Variants in LCA5 observed in about 807,000 individuals in gnomAD.
LCA5 encodes the protein lebercilin LCA5, also known as lebercilin.
LCA5 carries 37 observed loss-of-function variants against 53.0 expected under a neutral mutation model. The ratio of observed to expected loss-of-function variants is 0.70; its 90% CI spans 0.54 to 0.92. The LOEUF (loss-of-function observed/expected upper bound fraction) is 0.92. Among genes scored for constraint, LCA5 ranks in the 40% least tolerant of loss-of-function variants. LCA5 has a pLI of 0.00. For missense variants in LCA5, 806 were observed against 790.5 expected (o/e 1.02, Z -0.23); for synonymous variants, 303 against 282.9 (o/e 1.07, Z -0.71).
chr6:79,502,866 G>T (rs929157912), intron 3 of LCA5, among the ~76,000 whole-genome samples: 1 of 151,920 alleles, frequency 6.6e-6, no homozygotes, highest in East Asian at 1.9e-4. Context: ...TGACCTATAT[G>T]ATTCTTTTTT....
At chr6:79,499,844 C>T (rs1469854318) in intron 3 of LCA5, among the ~76,000 whole-genome samples, 3 of 151,252 alleles carry the variant, frequency 2.0e-5, no homozygotes, top group Admixed American at 2.0e-4. Flanking sequence ...ATCCCTCCCC[C>T]ACTCCCCCCA....
chr6:79,534,457 G>A (rs1399126168), intron 1 of LCA5, among the ~76,000 whole-genome samples: 1 of 151,964 alleles, frequency 6.6e-6, no homozygotes, highest in African/African-American at 2.4e-5. Flanking sequence ...GAACACCTAT[G>A]AAATGTCAGG....
intron 3 of LCA5, among the ~76,000 whole-genome samples, chr6:79,502,431 T>C (rs993707574): frequency 1.3e-5 from 2 of 152,166 alleles, no homozygotes; most frequent in Non-Finnish European, 2.9e-5. Context: ...TTTAAAGAAA[T>C]CTGTTTCCTT....
chr6:79,493,520 C>G, intron 4 of LCA5, 93 bp downstream of exon 4: 2 of 1,201,934 alleles, frequency 1.7e-6, no homozygotes, highest in Non-Finnish European at 2.4e-6. Context: ...ATTGTACCAA[C>G]TTACAAATAT....
chr6:79,502,529 A>T (rs1208575499), intron 3 of LCA5, among the ~76,000 whole-genome samples: 1 of 152,232 alleles, frequency 6.6e-6, no homozygotes, highest in East Asian at 1.9e-4. Context: ...CAACAAAAAT[A>T]AAACGGATTT....
chr6:79,498,879 ACT>A (rs1770055032), intron 3 of LCA5, among the ~76,000 whole-genome samples: 3 of 151,926 alleles, frequency 2.0e-5, no homozygotes, highest in South Asian at 2.1e-4. Flanking sequence ...GAAAGGAAAA[ACT>A]CTATGTCATT....
At chr6:79,493,853 G>T in intron 3 of LCA5, 103 bp from the exon 4 acceptor site, 2 of 852,786 alleles carry the variant, frequency 2.3e-6, no homozygotes, top group Non-Finnish European at 3.6e-6. Context: ...TATTGTCCAA[G>T]ACCTACAAAT....
At chr6:79,530,921 A>G (rs1766940441) in intron 1 of LCA5, among the ~76,000 whole-genome samples, 1 of 152,210 alleles carries the variant, frequency 6.6e-6, no homozygotes, top group African/African-American at 2.4e-5. Context: ...AAAGGAAGTA[A>G]TTATTAAGTT....
At chr6:79,507,344 T>C (rs1428436436) in intron 3 of LCA5, among the ~76,000 whole-genome samples, 2 of 152,146 alleles carry the variant, frequency 1.3e-5, no homozygotes, top group African/African-American at 4.8e-5. Context: ...GACAAATTTT[T>C]TAATGTTCTC....
intron 6 of LCA5, among the ~76,000 whole-genome samples, chr6:79,489,671 C>G (rs1769783351): frequency 6.6e-6 from 1 of 152,030 alleles, no homozygotes; most frequent in South Asian, 2.1e-4. Flanking sequence ...ATATTCAAAT[C>G]AAATAAAAAT....
chr6:79,499,191 A>G (rs1770064235), intron 3 of LCA5, among the ~76,000 whole-genome samples: 1 of 152,170 alleles, frequency 6.6e-6, no homozygotes, highest in South Asian at 2.1e-4. Flanking sequence ...CCAGAAGGAT[A>G]CATACTAAGA....
intron 3 of LCA5, among the ~76,000 whole-genome samples, chr6:79,507,916 T>C (rs954364404): frequency 2.0e-5 from 3 of 152,182 alleles, no homozygotes; most frequent in Non-Finnish European, 4.4e-5. Context: ...GTAAACCTTA[T>C]GTCTCATTTG....
intron 3 of LCA5, among the ~76,000 whole-genome samples, chr6:79,504,852 T>C (rs1354475874): frequency 6.6e-6 from 1 of 152,060 alleles, no homozygotes; most frequent in East Asian, 1.9e-4. Context: ...GTATATAACA[T>C]GATAATATGT....
chr6:79,501,578 A>T (rs1390155767), intron 3 of LCA5, among the ~76,000 whole-genome samples: 5 of 151,912 alleles, frequency 3.3e-5, no homozygotes, highest in Non-Finnish European at 7.4e-5. Context: ...ATACTTCTCC[A>T]TTAAAATACA....
intron 1 of LCA5, among the ~76,000 whole-genome samples, chr6:79,534,224 AAAAAT>A (rs1279151522): frequency 8.6e-5 from 13 of 152,024 alleles, no homozygotes; most frequent in African/African-American, 2.9e-4. Flanking sequence ...AAATAAAACA[AAAAAT>A]AAAGTTTGGA....
intron 7 of LCA5, chr6:79,488,084 T>G: frequency 5.9e-6 from 3 of 509,160 alleles, no homozygotes; most frequent in Non-Finnish European, 1.0e-5. Context: ...ATAAAAAAAT[T>G]TGTTCTTTGA....
chr6:79,513,336 G>A lies in LCA5; in HGVS notation c.596C>T (p.Thr199Ile). 1 of 1,613,742 alleles carries A rather than the reference G, an allele frequency of 6.2e-7. No homozygotes were observed. The change falls in exon 3 of 8, where the codon ACA becomes ATA. Residue 199 changes from threonine to isoleucine, a missense_variant. Thr to Ile is a moderately conservative substitution (Grantham distance 89). Coordinates refer to ENST00000369846, the MANE Select transcript of LCA5 (RefSeq NM_001122769.3). ...VKDTESELFRTKFSLQKLKEI... is the reference protein window; with the variant it reads ...VKDTESELFRIKFSLQKLKEI... ...TTTCAGTTTCTGTAAGGAAAATTTTGTCCTAAATAGTTCACTTTCTGTATC... is the reference window on the plus strand; with the variant it reads ...TTTCAGTTTCTGTAAGGAAAATTTTATCCTAAATAGTTCACTTTCTGTATC...
At chr6:79,499,951 G>A (rs1367236327) in intron 3 of LCA5, among the ~76,000 whole-genome samples, 2 of 150,748 alleles carry the variant, frequency 1.3e-5, no homozygotes, top group Non-Finnish European at 2.9e-5. Flanking sequence ...GCGGTGTTTG[G>A]TTTTTTGTTC....
At chr6:79,532,427 C>G (rs1248070413) in intron 1 of LCA5, among the ~76,000 whole-genome samples, 1 of 152,154 alleles carries the variant, frequency 6.6e-6, no homozygotes. Flanking sequence ...TCAATGGTCT[C>G]CTATGGCCGT....
Sources: gnomAD v4.1 joint callset for allele counts (sites outside exome capture counted in the v4.1 genomes callset) on GRCh38, gnomAD v4.1.1 for gene constraint, MANE v1.5 for transcripts, NCBI Gene and HGNC (gene_info 2026-07-23, HGNC 2026-07-21) for gene names.